Variants in RNF11 observed in about 807,000 individuals in gnomAD.
The protein encoded by RNF11 is ring finger protein 11.
Under a neutral mutation model 15.8 loss-of-function variants are expected in RNF11, and 4 were observed. The observed-to-expected ratio is 0.25, with a 90% CI of 0.12 to 0.58. The LOEUF is 0.58. Among genes scored for constraint, RNF11 ranks in the 20% least tolerant of loss-of-function variants. RNF11 has a pLI of 0.91. For missense variants in RNF11, 139 were observed against 194.4 expected (o/e 0.71, Z 1.70); for synonymous variants, 68 against 72.3 (o/e 0.94, Z 0.30).
chr1:51,239,074 C>G (rs974219290), intron 1 of RNF11, among the ~76,000 whole-genome samples: 1 of 151,956 alleles, frequency 6.6e-6, no homozygotes, highest in Admixed American at 6.6e-5. Flanking sequence ...ACCCTCACCC[C>G]CTTCTATTTT....
chr1:51,265,701 A>T (rs898575810), intron 1 of RNF11, among the ~76,000 whole-genome samples: 5 of 152,234 alleles, frequency 3.3e-5, no homozygotes, highest in Non-Finnish European at 7.3e-5. Flanking sequence ...TAAGTAGATG[A>T]TAGTGGAAAA....
chr1:51,242,325 CTTTTT>C (rs57821900), intron 1 of RNF11, among the ~76,000 whole-genome samples: 6 of 131,136 alleles, frequency 4.6e-5, no homozygotes, highest in Non-Finnish European at 8.1e-5. Context: ...TTCAAGATAC[CTTTTT>C]TTTTTTTTTT....
At chr1:51,237,864 G>A (rs1422927704) in intron 1 of RNF11, among the ~76,000 whole-genome samples, 3 of 152,028 alleles carry the variant, frequency 2.0e-5, no homozygotes, top group Admixed American at 6.6e-5. Context: ...TTTCTGACTG[G>A]GTAGGCTCCT....
intron 1 of RNF11, among the ~76,000 whole-genome samples, chr1:51,259,488 T>TA (rs1646920703): frequency 6.6e-6 from 1 of 152,208 alleles, no homozygotes; most frequent in Non-Finnish European, 1.5e-5. Context: ...ATTAGGGTTT[T>TA]TAAAAAATGT....
chr1:51,236,975 G>T, intron 1 of RNF11, 96 bp downstream of exon 1: 1 of 1,464,880 alleles, frequency 6.8e-7, no homozygotes, highest in Middle Eastern at 2.3e-4. Flanking sequence ...CTTCGGCAAG[G>T]CCTGGCCTGG....
chr1:51,245,842 C>T (rs1646849269), intron 1 of RNF11, among the ~76,000 whole-genome samples: 1 of 152,184 alleles, frequency 6.6e-6, no homozygotes, highest in African/African-American at 2.4e-5. Flanking sequence ...ACATAAAAGA[C>T]ATATTTGCAA....
Position 51,271,278 on chromosome 1 carries a change from G to C in RNF11, c.421G>C (p.Glu141Gln). Residue 141 changes from glutamate to glutamine, a missense_variant, in exon 3 of 3, where the codon GAG becomes CAG. Coordinates refer to ENST00000242719, the MANE Select transcript of RNF11 (RefSeq NM_014372.5). ...MRSFTCPSCM[E>Q]PVDAALLSSY... ...ATCCTTCACGTGCCCCTCCTGCATGGAGCCAGTTGATGCAGCACTGCTTTC... is the reference window on the plus strand; with the variant it reads ...ATCCTTCACGTGCCCCTCCTGCATGCAGCCAGTTGATGCAGCACTGCTTTC... The C allele has an allele frequency of 6.2e-7, 1 of 1,614,072 alleles. No homozygotes were observed.
chr1:51,264,315 T>C (rs867514345), intron 1 of RNF11, among the ~76,000 whole-genome samples: 2,341 of 96,566 alleles, frequency 0.024, 98 homozygotes, highest in African/African-American at 0.091. Flanking sequence ...TATATATATA[T>C]ATACACACAC....
chr1:51,246,120 C>T (rs923814624), intron 1 of RNF11, among the ~76,000 whole-genome samples: 4 of 152,102 alleles, frequency 2.6e-5, no homozygotes, highest in Admixed American at 6.6e-5. Context: ...GCAAAAATAG[C>T]CGGGTGTGGT....
chr1:51,241,558 C>T (rs745358815), intron 1 of RNF11, among the ~76,000 whole-genome samples: 19 of 152,026 alleles, frequency 1.2e-4, no homozygotes, highest in Non-Finnish European at 2.2e-4. Context: ...TATATATCAC[C>T]GCAAGATATT....
chr1:51,271,208 C>T lies in RNF11; in HGVS notation c.351C>T (p.Cys117=), dbSNP rs1646976282. The T allele has an allele frequency of 6.2e-7, 1 of 1,614,008 alleles. No individual in the cohort carries two copies. Among genetic ancestry groups the T allele is most frequent in the Non-Finnish European group, 8.5e-7 (1 of 1,179,858 alleles). Residue 117 remains cysteine, a synonymous_variant, in exon 3 of 3, where the codon TGC becomes TGT. Coordinates refer to ENST00000242719, the MANE Select transcript of RNF11 (RefSeq NM_014372.5). ...VYGDPIRFLP[C]MHIYHLDCID... is the part of the protein sequence containing the mutation. Reference sequence around the variant, plus strand: ...GGGACCCAATTCGATTTCTGCCGTGCATGCACATCTATCACCTGGACTGTA... The same window carrying T: ...GGGACCCAATTCGATTTCTGCCGTGTATGCACATCTATCACCTGGACTGTA...
At chr1:51,246,138 G>A (rs1322816247) in intron 1 of RNF11, among the ~76,000 whole-genome samples, 1 of 152,132 alleles carries the variant, frequency 6.6e-6, no homozygotes, top group Non-Finnish European at 1.5e-5. Flanking sequence ...GGTGGCACAT[G>A]CCTGTAATCC....
intron 1 of RNF11, chr1:51,251,091 A>G (rs1646875470): frequency 4.5e-6 from 7 of 1,553,158 alleles, no homozygotes; most frequent in Non-Finnish European, 6.1e-6. Flanking sequence ...GTAGTCCCCG[A>G]TAGCAACAAA....
At chr1:51,267,922 T>C (rs1290621500) in intron 1 of RNF11, among the ~76,000 whole-genome samples, 1 of 152,114 alleles carries the variant, frequency 6.6e-6, no homozygotes, top group Non-Finnish European at 1.5e-5. Flanking sequence ...GTAGAGATGG[T>C]GTTTTACCAT....
chr1:51,269,663 T>C (rs1202099081), intron 1 of RNF11, among the ~76,000 whole-genome samples: 1 of 152,242 alleles, frequency 6.6e-6, no homozygotes, highest in Non-Finnish European at 1.5e-5. Context: ...GAGGTCTTGC[T>C]ATGTTGTCCA....
At chr1:51,255,891 G>A (rs1211479306) in intron 1 of RNF11, among the ~76,000 whole-genome samples, 1 of 152,176 alleles carries the variant, frequency 6.6e-6, no homozygotes, top group Non-Finnish European at 1.5e-5. Context: ...ATCAGAAAGT[G>A]TGAGTCTTTT....
intron 1 of RNF11, among the ~76,000 whole-genome samples, chr1:51,243,755 TAGGACTA>T (rs1192129785): frequency 6.6e-6 from 1 of 152,218 alleles, no homozygotes; most frequent in East Asian, 1.9e-4. Flanking sequence ...GATTCTTTAT[TAGGACTA>T]ACCACTGAAG....
intron 1 of RNF11, 121 bp from the exon 2 acceptor site, chr1:51,269,835 A>G: frequency 1.3e-6 from 1 of 763,372 alleles, no homozygotes; most frequent in Non-Finnish European, 2.2e-6. Flanking sequence ...CATACAGCCA[A>G]ACACTAGCCC....
chr1:51,254,697 A>G (rs1646896394), intron 1 of RNF11, among the ~76,000 whole-genome samples: 1 of 152,122 alleles, frequency 6.6e-6, no homozygotes, highest in East Asian at 1.9e-4. Flanking sequence ...TCCCAGACTC[A>G]AGTGATCTGC....
Sources: gnomAD v4.1 joint callset for allele counts (sites outside exome capture counted in the v4.1 genomes callset) on GRCh38, gnomAD v4.1.1 for gene constraint, MANE v1.5 for transcripts, NCBI Gene and HGNC (gene_info 2026-07-23, HGNC 2026-07-21) for gene names.